The following LPP variants were observed in gnomAD, a reference collection of about 807,000 sequenced individuals.
LPP encodes LIM domain containing preferred translocation partner in lipoma, also known as lipoma-preferred partner.
LPP carries 38 observed loss-of-function variants against 60.4 expected under a neutral mutation model. The observed-to-expected ratio is 0.63, with a 90% CI of 0.49 to 0.83. The LOEUF (loss-of-function observed/expected upper bound fraction) is 0.83. Among genes scored for constraint, LPP ranks in the 40% least tolerant of loss-of-function variants. The probability of loss-of-function intolerance (pLI) is 0.00; values close to 1 mark genes in which losing one functional copy is unlikely to be tolerated. For synonymous variants in LPP, 328 were observed against 290.8 expected, an observed-to-expected ratio of 1.13 and a Z score of -1.30; for missense variants, 902 against 783.6, an observed-to-expected ratio of 1.15 and a Z score of -1.80.
At chr3:188,850,304 TAC>T (rs1240433673) in intron 9 of LPP, among the ~76,000 whole-genome samples, 1 of 152,214 alleles carries the variant, frequency 6.6e-6, no homozygotes, top group East Asian at 1.9e-4. Flanking sequence ...TAGGACTTGA[TAC>T]CTGATGAGAT....
At chr3:188,857,449 G>A (rs1764118992) in intron 9 of LPP, among the ~76,000 whole-genome samples, 1 of 152,198 alleles carries the variant, frequency 6.6e-6, no homozygotes, top group Non-Finnish European at 1.5e-5. Flanking sequence ...ATGTAATGCG[G>A]AAAAGAATTC....
chr3:188,863,111 T>C (rs1765676374), intron 9 of LPP, among the ~76,000 whole-genome samples: 1 of 152,198 alleles, frequency 6.6e-6, no homozygotes, highest in Non-Finnish European at 1.5e-5. Flanking sequence ...AAACCTCTGA[T>C]AAGGGGTTAT....
At chr3:188,725,445 A>G (rs886826107) in intron 8 of LPP, 1 of 152,258 alleles carries the variant, frequency 6.6e-6, no homozygotes, top group African/African-American at 2.4e-5. Context: ...GAATGGCCTC[A>G]GCATTGCAGT....
intron 7 of LPP, among the ~76,000 whole-genome samples, chr3:188,676,064 T>C (rs1205908735): frequency 6.6e-6 from 1 of 152,162 alleles, no homozygotes; most frequent in Non-Finnish European, 1.5e-5. Context: ...GAATTGGCTT[T>C]GGTCTGTAAT....
chr3:188,864,859 A>G (rs1281470418), intron 9 of LPP, among the ~76,000 whole-genome samples: 4 of 152,232 alleles, frequency 2.6e-5, no homozygotes, highest in African/African-American at 9.6e-5. Flanking sequence ...CTGTGTTTGG[A>G]AAGAAAACTG....
At chr3:188,701,479 C>G (rs1356611375) in intron 7 of LPP, among the ~76,000 whole-genome samples, 1 of 152,144 alleles carries the variant, frequency 6.6e-6, no homozygotes, top group Non-Finnish European at 1.5e-5. Context: ...AACCTTTGAG[C>G]ATATTGTATT....
At chr3:188,277,613 T>C (rs1453989349) in intron 2 of LPP, among the ~76,000 whole-genome samples, 5 of 152,204 alleles carry the variant, frequency 3.3e-5, no homozygotes, top group Non-Finnish European at 5.9e-5. Context: ...TCCATGGTTA[T>C]TATACCCATT....
At position 188,485,893 on chromosome 3, in the gene LPP, G is replaced by C. The variant is rs371192993; in HGVS notation, c.306+1189G>C. Among the ~76,000 whole-genome samples the C allele has an allele frequency of 3.2e-4, 48 of 151,482 alleles. No individual in the cohort carries two copies. The East Asian group carries it at 5.8e-3, about 18-fold the overall frequency. ...GTGAGAACATGGGTGAAATAGGGTTGGTTATGATTTGATAACTGTTGGGTG... is the reference window on the plus strand; with the variant it reads ...GTGAGAACATGGGTGAAATAGGGTTCGTTATGATTTGATAACTGTTGGGTG... On this transcript the variant is annotated intron_variant, in intron 5 of 11. Coordinates refer to ENST00000617246, the MANE Select transcript of LPP (RefSeq NM_001375462.1).
chr3:188,345,985 G>A (rs1764235445), intron 3 of LPP, among the ~76,000 whole-genome samples: 2 of 152,122 alleles, frequency 1.3e-5, no homozygotes, highest in African/African-American at 4.8e-5. Flanking sequence ...GATGGGAGGA[G>A]GAGGGTGGCA....
chr3:188,485,038 T>C (rs1668417138), intron 5 of LPP, among the ~76,000 whole-genome samples: 1 of 152,194 alleles, frequency 6.6e-6, no homozygotes, highest in Non-Finnish European at 1.5e-5. Flanking sequence ...CATACAGCCA[T>C]GTCTTTTTAT....
intron 2 of LPP, among the ~76,000 whole-genome samples, chr3:188,307,381 T>A (rs1232305544): frequency 6.6e-6 from 1 of 152,194 alleles, no homozygotes; most frequent in Non-Finnish European, 1.5e-5. Context: ...TCAGAATATC[T>A]GTGGGTGGGA....
intron 8 of LPP, among the ~76,000 whole-genome samples, chr3:188,755,431 A>C (rs1386323764): frequency 5.3e-5 from 8 of 152,184 alleles, no homozygotes; most frequent in Non-Finnish European, 8.8e-5. Flanking sequence ...TGTGGTGATC[A>C]CAGGAAAAAC....
chr3:188,756,029 T>C (rs1222883853), intron 8 of LPP, among the ~76,000 whole-genome samples: 1 of 151,976 alleles, frequency 6.6e-6, no homozygotes, highest in African/African-American at 2.4e-5. Context: ...GTCTTTCTGT[T>C]GGTAAGAGGA....
chr3:188,505,853 A>C (rs1173990964), intron 5 of LPP, among the ~76,000 whole-genome samples: 1 of 152,188 alleles, frequency 6.6e-6, no homozygotes, highest in South Asian at 2.1e-4. Context: ...GGTTTAAAAA[A>C]TATTATTTTC....
intron 2 of LPP, among the ~76,000 whole-genome samples, chr3:188,248,279 T>C (rs535555989): frequency 3.2e-4 from 48 of 151,814 alleles, no homozygotes; most frequent in African/African-American, 1.1e-3. Context: ...TTTTTTTGCA[T>C]TGGGACCTGC....
chr3:188,409,416 G>A (rs1391308348), intron 4 of LPP, among the ~76,000 whole-genome samples: 1 of 152,158 alleles, frequency 6.6e-6, no homozygotes, highest in Admixed American at 6.5e-5. Context: ...AAACAAAGAT[G>A]TATCCATGTA....
chr3:188,786,400 A>C (rs1440150012), intron 9 of LPP, among the ~76,000 whole-genome samples: 3 of 150,486 alleles, frequency 2.0e-5, no homozygotes, highest in South Asian at 4.2e-4. Flanking sequence ...AAAAAAAAAA[A>C]AAAAAAAAAA....
At chr3:188,495,193 A>ATT (rs368499660) in intron 5 of LPP, among the ~76,000 whole-genome samples, 132,044 of 135,824 alleles carry the variant, frequency 0.97, 64,289 homozygotes, top group Non-Finnish European at 1. Context: ...TAATATATAT[A>ATT]TTTATAAATA....
At chr3:188,413,871 A>G (rs1379361353) in intron 4 of LPP, among the ~76,000 whole-genome samples, 1 of 152,160 alleles carries the variant, frequency 6.6e-6, no homozygotes, top group African/African-American at 2.4e-5. Context: ...TTTAATTCAT[A>G]AAATATTAGC....
Sources: gnomAD v4.1 joint callset for allele counts (sites outside exome capture counted in the v4.1 genomes callset) on GRCh38, gnomAD v4.1.1 for gene constraint, MANE v1.5 for transcripts, NCBI Gene and HGNC (gene_info 2026-07-23, HGNC 2026-07-21) for gene names.